Variants in ARFIP2 observed in about 807,000 individuals in gnomAD.
ARFIP2 encodes the protein arfaptin-2.
In ARFIP2, 14 loss-of-function variants were observed where a neutral mutation model predicts 39.2. The observed-to-expected ratio is 0.36, with a 90% CI of 0.24 to 0.56. The LOEUF (loss-of-function observed/expected upper bound fraction) is 0.56. Ranked by LOEUF, ARFIP2 falls within the 20% of genes least tolerant of loss-of-function variation. The pLI, the probability that ARFIP2 is intolerant of heterozygous loss-of-function variation, is 0.85. For missense variants in ARFIP2, 305 were observed against 422.5 expected (o/e 0.72, Z 2.44); for synonymous variants, 167 against 172.4 (o/e 0.97, Z 0.24).
At chr11:6,479,314 T>C in intron 3 of ARFIP2, 56 bp from the exon 4 acceptor site, 5 of 1,612,888 alleles carry the variant, frequency 3.1e-6, no homozygotes, top group Non-Finnish European at 3.4e-6. Context: ...GACACCTCTG[T>C]GGCCCCACCC....
At chr11:6,479,425 A>C in intron 3 of ARFIP2, 167 bp from the exon 4 acceptor site, 2 of 1,409,846 alleles carry the variant, frequency 1.4e-6, no homozygotes, top group Non-Finnish European at 1.9e-6. Context: ...TTGCGCGGTG[A>C]GAACCAAATC....
At position 6,478,535 on chromosome 11, in the gene ARFIP2, GC is replaced by G. The variant is rs1404819191; in HGVS notation, c.537+202del. On this transcript the variant is annotated intron_variant, in intron 5 of 7. Coordinates refer to ENST00000396777, the MANE Select transcript of ARFIP2 (RefSeq NM_001376558.2). The surrounding 1 kb of genome is among the most constrained non-coding windows in gnomAD (Gnocchi z 4.8). ...GGGTTATTTGTGAGGCACCTAGTGT[GC>G]CCCCTCCCCCACCCCCTCCAACTTC... The G allele has an allele frequency of 7.7e-6, 11 of 1,420,048 alleles. No homozygotes were observed. Among genetic ancestry groups the G allele is most frequent in the Non-Finnish European group, 8.3e-6 (9 of 1,085,596 alleles). The allele number at this position is 1,420,048 out of a possible 1,614,324, so 88.0% of individuals were successfully genotyped here.
rs1851161495 is a variant in ARFIP2 at position 6,477,161 on chromosome 11, C to T, written c.978G>A (p.Lys326=). Reference sequence around the variant, plus strand: ...GTTTCTCAGCTCCTGGAGGCCGCAGCTTGATGTTGAACTGCTGCAGGGTCT... The same window carrying T: ...GTTTCTCAGCTCCTGGAGGCCGCAGTTTGATGTTGAACTGCTGCAGGGTCT... ...LEQTLQQFNI[K]LRPPGAEKPS... is the part of the protein sequence containing the mutation. Residue 326 remains lysine, a synonymous_variant, in exon 8 of 8, where the codon AAG becomes AAA. Transcript: ENST00000396777. The surrounding 1 kb of genome is among the most constrained non-coding windows in gnomAD (Gnocchi z 4.8). 2 of 1,611,946 alleles carry T rather than the reference C, an allele frequency of 1.2e-6. No homozygotes were observed. The highest frequency in any genetic ancestry group is 3.3e-5 in the Admixed American group (2 of 59,830).
In ARFIP2 at chr11:6,476,932, T is replaced by G; in HGVS notation, c.*181A>C. On this transcript the variant is annotated 3_prime_UTR_variant, in exon 8 of 8. Transcript: ENST00000396777. ...GGAAGATAGACAGGGCAGCAACTTC[T>G]GGGCCTCCAGGCCCTCTTCCCACCA... The G allele has an allele frequency of 1.6e-6, 1 of 641,532 alleles. No homozygotes were observed. Among genetic ancestry groups the G allele is most frequent in the Non-Finnish European group, 2.6e-6 (1 of 389,262 alleles). The allele number at this position is 641,532 out of a possible 1,614,324, so 39.7% of individuals were successfully genotyped here. A position where few individuals can be genotyped will look rare whatever the true frequency, so the allele number is the denominator to read the frequency against.
rs1851201985 is a variant in ARFIP2, at chr11:6,477,458, G to A, written c.871-190C>T. ...TGATGGAAGAAACCTCACTGGATTT[G>A]TGGGCCTAGGGTTTTTGTACCCCAG... On this transcript the variant is annotated intron_variant, in intron 7 of 7. Transcript: ENST00000396777. This position sits in a 1 kb window ranked among gnomAD's most constrained non-coding sequence, Gnocchi z 4.8. 6.6e-6 allele frequency among the ~76,000 whole-genome samples: 1 copy of A among 152,158 alleles called. No individual in the cohort carries two copies. Among genetic ancestry groups the A allele is most frequent in the African/African-American group, 2.4e-5 (1 of 41,426 alleles).
rs901832461 is a variant in ARFIP2, at chr11:6,478,281, C to T, written c.538-83G>A. On this transcript the variant is annotated intron_variant, in intron 5 of 7. Coordinates refer to ENST00000396777, the MANE Select transcript of ARFIP2 (RefSeq NM_001376558.2). The surrounding 1 kb of genome is among the most constrained non-coding windows in gnomAD (Gnocchi z 4.8). ...TAGAGCCCTTCATTCCCCTCCTCCC[C>T]GGGGAGGACACAGCCAGCAAAACTG... 9.9e-6 allele frequency: 15 copies of T among 1,519,420 alleles called. No individual in the cohort carries two copies. Among genetic ancestry groups the T allele is most frequent in the Admixed American group, 1.8e-5 (1 of 55,894 alleles). The allele number at this position is 1,519,420 out of a possible 1,614,324, so 94.1% of individuals were successfully genotyped here.
At position 6,478,553 on chromosome 11, in the gene ARFIP2, T is replaced by G; in HGVS notation, c.537+185A>C. ...CTAGTGTGCCCCCTCCCCCACCCCC[T>G]CCAACTTCTGGACCTCTGTACAAAC... On this transcript the variant is annotated intron_variant, in intron 5 of 7. Transcript: ENST00000396777. The surrounding 1 kb of genome is among the most constrained non-coding windows in gnomAD (Gnocchi z 4.8). The G allele has an allele frequency of 9.5e-6, 6 of 632,404 alleles. No individual in the cohort carries two copies. The highest frequency in any genetic ancestry group is 1.3e-5 in the Non-Finnish European group (6 of 444,474). The allele number at this position is 632,404 out of a possible 1,614,324, so 39.2% of individuals were successfully genotyped here.
intron 1 of ARFIP2, 174 bp from the exon 2 acceptor site, chr11:6,480,637 C>T (rs1851642118): frequency 2.1e-6 from 1 of 485,866 alleles, no homozygotes; most frequent in Non-Finnish European, 3.6e-6. Flanking sequence ...TTGAAACAGG[C>T]ACACCAAAGC....
Position 6,478,854 on chromosome 11 carries a change from C to T in ARFIP2, c.421G>A (p.Glu141Lys). 6.2e-7 allele frequency: 1 copy of T among 1,614,204 alleles called. No homozygotes were observed. Among genetic ancestry groups the T allele is most frequent in the Non-Finnish European group, 8.5e-7 (1 of 1,180,030 alleles). The change falls in exon 5 of 8, where the codon GAG (glutamate) becomes AAG (lysine). Residue 141 changes from glutamate to lysine, a missense_variant. Coordinates refer to ENST00000396777, the MANE Select transcript of ARFIP2 (RefSeq NM_001376558.2). This position sits in a 1 kb window ranked among gnomAD's most constrained non-coding sequence, Gnocchi z 4.8. ...GCCCGGCCCAGCTGCAGGACACTCTCATACTTGCGCTTCGTCTCACGCAGC... is the reference window on the plus strand; with the variant it reads ...GCCCGGCCCAGCTGCAGGACACTCTTATACTTGCGCTTCGTCTCACGCAGC... ...ELLRETKRKYESVLQLGRALT... is the reference protein window; with the variant it reads ...ELLRETKRKYKSVLQLGRALT...
chr11:6,481,310 C>A lies in ARFIP2; in HGVS notation c.-122G>T. Reference sequence around the variant, plus strand: ...CTCGGGCTCCAGTTCCCGTCGCGATCCTAGCAGCAGGTCAGGGACTCGGCG... The same window carrying A: ...CTCGGGCTCCAGTTCCCGTCGCGATACTAGCAGCAGGTCAGGGACTCGGCG... On this transcript the variant is annotated 5_prime_UTR_variant, in exon 1 of 8. Coordinates refer to ENST00000396777, the MANE Select transcript of ARFIP2 (RefSeq NM_001376558.2). The A allele has an allele frequency of 1.3e-6, 1 of 760,122 alleles. No homozygotes were observed. Among genetic ancestry groups the A allele is most frequent in the South Asian group, 1.8e-5 (1 of 56,736 alleles). The allele number at this position is 760,122 out of a possible 1,614,324, so 47.1% of individuals were successfully genotyped here.
Position 6,479,958 on chromosome 11 carries a change from C to G in ARFIP2, c.196+14G>C. 6.2e-7 allele frequency: 1 copy of G among 1,613,062 alleles called. No individual in the cohort carries two copies. The highest frequency in any genetic ancestry group is 8.5e-7 in the Non-Finnish European group (1 of 1,179,052). On this transcript the variant is annotated intron_variant, in intron 3 of 7. Coordinates refer to ENST00000396777, the MANE Select transcript of ARFIP2 (RefSeq NM_001376558.2). ...CCTCCTCCACCCAAGATTCCTGTTTCTGAACATTCATACCTGTGGGGATGA... is the reference window on the plus strand; with the variant it reads ...CCTCCTCCACCCAAGATTCCTGTTTGTGAACATTCATACCTGTGGGGATGA...
intron 2 of ARFIP2, 86 bp from the exon 3 acceptor site, chr11:6,480,154 T>C: frequency 7.4e-7 from 1 of 1,354,406 alleles, no homozygotes; most frequent in Non-Finnish European, 1.0e-6. Context: ...GATTCAAGCA[T>C]CATAAAGATA....
Position 6,476,789 on chromosome 11 carries a change from A to G in ARFIP2, c.*324T>C, listed in dbSNP as rs3741269. 6 of 272,736 alleles carry G rather than the reference A, an allele frequency of 2.2e-5. No homozygotes were observed. The East Asian group carries it at 4.6e-4, about 21-fold the overall frequency. The allele number at this position is 272,736 out of a possible 1,614,324, so 16.9% of individuals were successfully genotyped here. On this transcript the variant is annotated 3_prime_UTR_variant, in exon 8 of 8. Coordinates refer to ENST00000396777, the MANE Select transcript of ARFIP2 (RefSeq NM_001376558.2). The stretch of plus-strand genomic sequence containing the variant: ...TGACAGGGCATTTTCAGGCTCTGTC[A>G]TTGGTCAGGGAGCACACCCCAGCCT...
At position 6,479,568 on chromosome 11, in the gene ARFIP2, T is replaced by C. The variant is rs561006602; in HGVS notation, c.197-310A>G. 71 of 585,794 alleles carry C rather than the reference T, an allele frequency of 1.2e-4. No homozygotes were observed. The Admixed American group carries it at 2.1e-3, about 17-fold the overall frequency. 36.3% of individuals were successfully genotyped at this position (585,794 alleles called of 1,614,324 possible). On this transcript the variant is annotated intron_variant, in intron 3 of 7. Coordinates refer to ENST00000396777, the MANE Select transcript of ARFIP2 (RefSeq NM_001376558.2). ...AGGAGTCAAGGATGGTGGGTCATGATAACAAGAAACCTGGTTGCATTCCCA... is the reference window on the plus strand; with the variant it reads ...AGGAGTCAAGGATGGTGGGTCATGACAACAAGAAACCTGGTTGCATTCCCA...
rs1851551444 is a variant in ARFIP2 at position 6,479,997 on chromosome 11, G to A, written c.171C>T (p.Gly57=). ...CTGTGGGGATGAGTCCATCACCAGA[G>A]CCCCCATAGCCACCAGACACAATGC... ...ETSIVSGGYG[G]SGDGLIPTGS... The change falls in exon 3 of 8, where the codon GGC becomes GGT. Residue 57 remains glycine, a synonymous_variant. Coordinates refer to ENST00000396777, the MANE Select transcript of ARFIP2 (RefSeq NM_001376558.2). 1.2e-6 allele frequency: 2 copies of A among 1,613,958 alleles called. No homozygotes were observed. Among genetic ancestry groups the A allele is most frequent in the African/African-American group, 1.3e-5 (1 of 74,864 alleles).
chr11:6,478,732 A>T lies in ARFIP2; in HGVS notation c.537+6T>A. The T allele has an allele frequency of 6.2e-7, 1 of 1,607,324 alleles. No homozygotes were observed. Among genetic ancestry groups the T allele is most frequent in the East Asian group, 2.2e-5 (1 of 44,622 alleles). On this transcript the variant is annotated splice_donor_region_variant and intron_variant, in intron 5 of 7. Transcript: ENST00000396777. The surrounding 1 kb of genome is among the most constrained non-coding windows in gnomAD (Gnocchi z 4.8). Reference sequence around the variant, plus strand: ...TCCCCCACCCTCTTTGGTCTGGGTGAGGCACCTGAAGCTCTGGGGACTTCT... The same window carrying T: ...TCCCCCACCCTCTTTGGTCTGGGTGTGGCACCTGAAGCTCTGGGGACTTCT...
intron 4 of ARFIP2, 42 bp from the exon 5 acceptor site, chr11:6,479,001 C>T: frequency 6.2e-7 from 1 of 1,603,434 alleles, no homozygotes; most frequent in South Asian, 1.1e-5. Context: ...CCCTAACAGC[C>T]TCCCCACACA....
Position 6,480,457 on chromosome 11 carries a change from C to T in ARFIP2, c.-36G>A. On this transcript the variant is annotated 5_prime_UTR_variant, in exon 2 of 8. Transcript: ENST00000396777. Reference sequence around the variant, plus strand: ...GGTATTGGAGTAAAACTCTCCACCCCAGCACCCTGCAAAGCCCAACACAGA... The same window carrying T: ...GGTATTGGAGTAAAACTCTCCACCCTAGCACCCTGCAAAGCCCAACACAGA... 3 of 1,521,832 alleles carry T rather than the reference C, an allele frequency of 2.0e-6. 1 individual carries two copies. The highest frequency in any genetic ancestry group is 2.8e-5 in the African/African-American group (2 of 71,764). The allele number at this position is 1,521,832 out of a possible 1,614,324, so 94.3% of individuals were successfully genotyped here. A position where few individuals can be genotyped will look rare whatever the true frequency, so the allele number is the denominator to read the frequency against.
rs754872130 is a variant in ARFIP2 at position 6,476,759 on chromosome 11, T to C, written c.*354A>G. 3.4e-5 allele frequency: 8 copies of C among 236,934 alleles called. No individual in the cohort carries two copies. Among genetic ancestry groups the C allele is most frequent in the Admixed American group, 2.1e-4 (4 of 19,512 alleles). 14.7% of individuals were successfully genotyped at this position (236,934 alleles called of 1,614,324 possible). A position where few individuals can be genotyped will look rare whatever the true frequency, so the allele number is the denominator to read the frequency against. ...CAGGGGAGTCCGAGAAGAGCTGCCA[T>C]TGGCTGACAGGGCATTTTCAGGCTC... On this transcript the variant is annotated 3_prime_UTR_variant, in exon 8 of 8. Coordinates refer to ENST00000396777, the MANE Select transcript of ARFIP2 (RefSeq NM_001376558.2).
Sources: gnomAD v4.1 joint callset for allele counts (sites outside exome capture counted in the v4.1 genomes callset) on GRCh38, gnomAD v4.1.1 for gene constraint, Gnocchi (gnomAD v3.1) non-coding constraint, MANE v1.5 for transcripts, NCBI Gene and HGNC (gene_info 2026-07-23, HGNC 2026-07-21) for gene names.